Variants in UQCC1 observed in about 807,000 individuals in gnomAD.
UQCC1 encodes ubiquinol-cytochrome c reductase complex assembly factor 1.
In UQCC1, 38 loss-of-function variants were observed where a neutral mutation model predicts 48.0. That is an observed-to-expected ratio of 0.79 (90% CI 0.61 to 1.04). UQCC1 has a LOEUF of 1.04. Among genes scored for constraint, UQCC1 ranks in the 50% least tolerant of loss-of-function variants. The pLI is 0.00. For synonymous variants in UQCC1, 111 were observed against 129.2 expected, an observed-to-expected ratio of 0.86 and a Z score of 0.95; for missense variants, 368 against 381.8, an observed-to-expected ratio of 0.96 and a Z score of 0.30.
intron 7 of UQCC1, among the ~76,000 whole-genome samples, chr20:35,322,411 G>A (rs2061141494): frequency 6.6e-6 from 1 of 152,142 alleles, no homozygotes; most frequent in Non-Finnish European, 1.5e-5. Flanking sequence ...TTGTTGTCCT[G>A]ATTCTATAAA....
chr20:35,396,064 A>C lies in UQCC1; in HGVS notation c.25-1868T>G, dbSNP rs529511804. Among the ~76,000 whole-genome samples the C allele has an allele frequency of 4.4e-5, 6 of 136,080 alleles. No homozygotes were observed. In the East Asian group the frequency reaches 9.0e-4, roughly 20 times the overall value. The allele number at this position is 136,080 out of a possible 152,430, so 89.3% of individuals were successfully genotyped here. ...CAGGGCCATGATCCCAGCTCATTGC[A>C]ATTTCCACCTCCTGGGTTCAAGCGA... is the stretch of plus-strand genomic sequence containing the variant. On this transcript the variant is annotated intron_variant, in intron 1 of 9. Transcript: ENST00000374385.
chr20:35,362,956 G>T (rs1191826882), intron 6 of UQCC1, among the ~76,000 whole-genome samples: 3 of 151,204 alleles, frequency 2.0e-5, no homozygotes, highest in Admixed American at 2.0e-4. Flanking sequence ...TCTGTACAGG[G>T]GAGCTGCTTC....
At chr20:35,312,596 C>T (rs79503641) in intron 8 of UQCC1, among the ~76,000 whole-genome samples, 2,453 of 152,234 alleles carry the variant, frequency 0.016, 90 homozygotes, top group African/African-American at 0.056. Flanking sequence ...GTTCAGGAAC[C>T]GCTTCCCAGG....
At chr20:35,411,383 C>T (rs1349548657) in intron 1 of UQCC1, among the ~76,000 whole-genome samples, 2 of 152,154 alleles carry the variant, frequency 1.3e-5, no homozygotes, top group Non-Finnish European at 2.9e-5. Context: ...GTGAAAACGA[C>T]GGAGACAGAC....
In UQCC1 at chr20:35,391,261, T is replaced by C. The variant is rs111317253; in HGVS notation, c.129+2831A>G. ...AAGAAAATATTACACAAACTCAAAT[T>C]GAGAAACATTCTACAAATAACTGAC... On this transcript the variant is annotated intron_variant, in intron 2 of 9. Coordinates refer to ENST00000374385, the MANE Select transcript of UQCC1 (RefSeq NM_018244.5). Among the ~76,000 whole-genome samples, 633 of 151,984 alleles carry C rather than the reference T, an allele frequency of 4.2e-3. 3 individuals are homozygous for C. Among genetic ancestry groups the C allele is most frequent in the Middle Eastern group, 6.8e-3 (2 of 294 alleles).
chr20:35,315,236 AG>A, intron 7 of UQCC1: 1 of 155,900 alleles, frequency 6.4e-6, no homozygotes, highest in Non-Finnish European at 1.4e-5. Context: ...AACTTGGAGG[AG>A]GAGGAGTTTG....
intron 1 of UQCC1, among the ~76,000 whole-genome samples, chr20:35,402,201 G>C (rs1049602464): frequency 2.0e-5 from 3 of 152,088 alleles, no homozygotes; most frequent in Non-Finnish European, 4.4e-5. Context: ...CCAACACTTT[G>C]TGAGGCTGAG....
intron 8 of UQCC1, among the ~76,000 whole-genome samples, chr20:35,314,300 CAA>C (rs111291087): frequency 2.9e-4 from 38 of 129,166 alleles, no homozygotes; most frequent in Middle Eastern, 3.8e-3. Context: ...ATAATTAAAG[CAA>C]AAAAAAAAAA....
intron 8 of UQCC1, among the ~76,000 whole-genome samples, chr20:35,310,267 T>A (rs1425453863): frequency 6.6e-6 from 1 of 152,126 alleles, no homozygotes; most frequent in Non-Finnish European, 1.5e-5. Flanking sequence ...AATGAATAGA[T>A]GGATGGGTGT....
intron 7 of UQCC1, among the ~76,000 whole-genome samples, chr20:35,327,725 T>C (rs185741966): frequency 1.3e-5 from 2 of 152,240 alleles, no homozygotes; most frequent in East Asian, 3.9e-4. Flanking sequence ...CAGAGCCGGG[T>C]GCAGTGGCTC....
At chr20:35,341,330 A>C (rs1007615105) in intron 7 of UQCC1, among the ~76,000 whole-genome samples, 2 of 152,172 alleles carry the variant, frequency 1.3e-5, no homozygotes, top group African/African-American at 4.8e-5. Context: ...AAGATGGAAA[A>C]GTATGGGAAA....
intron 9 of UQCC1, 179 bp downstream of exon 9, chr20:35,306,487 C>T (rs2060929675): frequency 3.4e-6 from 2 of 583,298 alleles, no homozygotes; most frequent in South Asian, 2.0e-5. Flanking sequence ...CGCTCCCTGG[C>T]CCAGTTCATG....
chr20:35,378,014 A>T (rs1031501511), intron 4 of UQCC1, among the ~76,000 whole-genome samples: 16 of 152,224 alleles, frequency 1.1e-4, no homozygotes, highest in African/African-American at 3.1e-4. Flanking sequence ...ACTATCACAC[A>T]GAGACTGGAA....
intron 7 of UQCC1, among the ~76,000 whole-genome samples, chr20:35,333,881 G>C (rs1012599016): frequency 6.6e-6 from 1 of 151,490 alleles, no homozygotes; most frequent in African/African-American, 2.4e-5. Flanking sequence ...TTATTTCTCT[G>C]CCCTAGTTTT....
chr20:35,394,224 G>A, intron 1 of UQCC1, 28 bp from the exon 2 acceptor site: 8 of 1,585,146 alleles, frequency 5.0e-6, no homozygotes, highest in East Asian at 2.2e-5. Flanking sequence ...TAATCTGTCA[G>A]GAATCTAAAT....
rs764455576 is a variant in UQCC1, at chr20:35,309,254, G to A, written c.652-2475C>T. ...TCAAGACCAGCCTGGACAACATGGC[G>A]AAACTGTTTCCACAAAAAAATATAA... On this transcript the variant is annotated intron_variant, in intron 8 of 9. Coordinates refer to ENST00000374385, the MANE Select transcript of UQCC1 (RefSeq NM_018244.5). 6 of 437,602 alleles carry A rather than the reference G, an allele frequency of 1.4e-5. No homozygotes were observed. In the East Asian group the frequency reaches 2.2e-4, roughly 16 times the overall value. 27.1% of individuals were successfully genotyped at this position (437,602 alleles called of 1,614,324 possible). A position where few individuals can be genotyped will look rare whatever the true frequency, so the allele number is the denominator to read the frequency against.
intron 5 of UQCC1, among the ~76,000 whole-genome samples, chr20:35,368,310 G>A (rs554206558): frequency 1.3e-5 from 2 of 152,072 alleles, no homozygotes; most frequent in African/African-American, 4.8e-5. Flanking sequence ...TGTTCTACTG[G>A]GTTCTTTACA....
intron 2 of UQCC1, among the ~76,000 whole-genome samples, chr20:35,386,600 C>G (rs1208505560): frequency 1.3e-5 from 2 of 152,170 alleles, no homozygotes; most frequent in East Asian, 3.9e-4. Context: ...CAATGGTCCA[C>G]CTAAAACACA....
At chr20:35,337,391 G>C (rs980252301) in intron 7 of UQCC1, among the ~76,000 whole-genome samples, 15 of 152,070 alleles carry the variant, frequency 9.9e-5, no homozygotes, top group African/African-American at 3.1e-4. Flanking sequence ...GTTTCACCAT[G>C]TTGGCCAGGC....
Sources: gnomAD v4.1 joint callset for allele counts (sites outside exome capture counted in the v4.1 genomes callset) on GRCh38, gnomAD v4.1.1 for gene constraint, MANE v1.5 for transcripts, NCBI Gene and HGNC (gene_info 2026-07-23, HGNC 2026-07-21) for gene names.